Variants in PLXNA1 observed in about 807,000 individuals in gnomAD.
PLXNA1 encodes the protein plexin-A1.
A neutral mutation model predicts 191.7 loss-of-function variants in PLXNA1; 77 were observed. The observed-to-expected ratio is 0.40, with a 90% CI of 0.33 to 0.49. The LOEUF is 0.49. Ranked by LOEUF, PLXNA1 falls within the 20% of genes least tolerant of loss-of-function variation. The pLI, the probability that PLXNA1 is intolerant of heterozygous loss-of-function variation, is 0.63. For missense variants in PLXNA1, 2,110 were observed against 2,660.2 expected (o/e 0.79, Z 4.55); for synonymous variants, 1,137 against 1,156.4 (o/e 0.98, Z 0.34).
intron 3 of PLXNA1, among the ~76,000 whole-genome samples, chr3:126,999,638 C>G (rs2079030335): frequency 6.6e-6 from 1 of 152,224 alleles, no homozygotes; most frequent in Non-Finnish European, 1.5e-5. Context: ...GACAGCTGAC[C>G]TGGCCGGGCC....
At chr3:127,017,273 C>T in intron 17 of PLXNA1, 152 bp from the exon 18 acceptor site, 5 of 1,193,038 alleles carry the variant, frequency 4.2e-6, no homozygotes, top group Non-Finnish European at 4.6e-6. Context: ...TGTCCCTGGT[C>T]CACGTCGGGT....
At chr3:127,027,658 G>A (rs1482452444) in intron 23 of PLXNA1, 2 of 583,652 alleles carry the variant, frequency 3.4e-6, no homozygotes, top group African/African-American at 1.8e-5. Context: ...GGTCCCGCGT[G>A]CCACGCCATG....
intron 29 of PLXNA1, chr3:127,032,107 G>T: frequency 2.3e-6 from 1 of 433,228 alleles, no homozygotes; most frequent in Non-Finnish European, 4.3e-6. Context: ...GGGCCCCTGA[G>T]GGCCTGGTCA....
chr3:127,010,950 G>A (rs2079092571), intron 9 of PLXNA1, among the ~76,000 whole-genome samples: 2 of 152,192 alleles, frequency 1.3e-5, no homozygotes, highest in African/African-American at 2.4e-5. Flanking sequence ...AGCTTGGACT[G>A]AAAGGAGTCT....
chr3:126,999,511 G>A (rs529819322), intron 3 of PLXNA1, among the ~76,000 whole-genome samples: 34 of 152,332 alleles, frequency 2.2e-4, no homozygotes, highest in Admixed American at 1.6e-3. Flanking sequence ...CCTGCCTCCC[G>A]GCGGCTGGGG....
chr3:127,008,540 T>A (rs2079079704), intron 9 of PLXNA1, among the ~76,000 whole-genome samples: 1 of 152,110 alleles, frequency 6.6e-6, no homozygotes, highest in Admixed American at 6.5e-5. Flanking sequence ...GGCCCACAGG[T>A]GCTGAGTGGC....
At chr3:127,030,533 C>A (rs922616798) in intron 29 of PLXNA1, 121 bp downstream of exon 29, 18 of 1,218,060 alleles carry the variant, frequency 1.5e-5, no homozygotes, top group Non-Finnish European at 2.0e-5. Context: ...GGGACACAAC[C>A]CAGCAGGGGC....
chr3:126,991,387 C>G lies in PLXNA1; in HGVS notation c.1198C>G (p.Leu400Val), dbSNP rs770726838. 2 of 1,612,652 alleles carry G rather than the reference C, an allele frequency of 1.2e-6. No individual in the cohort carries two copies. The highest frequency in any genetic ancestry group is 2.2e-5 in the South Asian group (2 of 91,008). ...NKELGCINSP[L>V]QIDDDFCGQD... ...CTCACCCTGCCCCTTCCCACAGCCCCTGCAGATCGATGACGACTTCTGCGG... is the reference window on the plus strand; with the variant it reads ...CTCACCCTGCCCCTTCCCACAGCCCGTGCAGATCGATGACGACTTCTGCGG... Residue 400 changes from leucine (L) to valine (V), a missense_variant, in exon 3 of 32, where the codon CTG (leucine) becomes GTG (valine). Coordinates refer to ENST00000393409, the MANE Select transcript of PLXNA1 (RefSeq NM_032242.4).
At chr3:127,000,502 C>T (rs2079035176) in intron 3 of PLXNA1, among the ~76,000 whole-genome samples, 1 of 152,232 alleles carries the variant, frequency 6.6e-6, no homozygotes, top group African/African-American at 2.4e-5. Context: ...GTCTGTGCCC[C>T]TGTGCTCTGG....
rs771627010 is a variant in PLXNA1 at position 127,014,202 on chromosome 3, G to T, written c.2431G>T (p.Ala811Ser). ...CACAGCGCACCTCTACAAGTGCCCG[G>T]CCCTGCGCGAGAGCTGCGGCCTCTG... ...NIQAHLYKCP[A>S]LRESCGLCLK... The change falls in exon 12 of 32, where the codon GCC becomes TCC. Residue 811 changes from alanine to serine, a missense_variant. Coordinates refer to ENST00000393409, the MANE Select transcript of PLXNA1 (RefSeq NM_032242.4). The T allele has an allele frequency of 2.5e-6, 4 of 1,609,030 alleles. No homozygotes were observed. In the South Asian group the frequency reaches 3.3e-5, roughly 13 times the overall value.
intron 14 of PLXNA1, 150 bp downstream of exon 14, chr3:127,014,981 T>C (rs773920641): frequency 2.8e-5 from 39 of 1,392,120 alleles, no homozygotes; most frequent in Non-Finnish European, 3.4e-5. Context: ...CTCCTGTGCC[T>C]AGGCCAGCTC....
intron 3 of PLXNA1, among the ~76,000 whole-genome samples, chr3:126,995,559 G>C (rs919844287): frequency 6.6e-6 from 1 of 152,278 alleles, no homozygotes; most frequent in Non-Finnish European, 1.5e-5. Context: ...CCAGCCCCTG[G>C]CTGAGGCCCA....
rs1576676219 is a variant in PLXNA1, at chr3:127,004,594, C to T, written c.1519-17C>T. On this transcript the variant is annotated splice_polypyrimidine_tract_variant and intron_variant, in intron 4 of 31. Coordinates refer to ENST00000393409, the MANE Select transcript of PLXNA1 (RefSeq NM_032242.4). ...CTGGGGTGGTACTGGAGGGGCCTGA[C>T]ACCTCCCCCACACCAGGTGACGCGG... The T allele has an allele frequency of 1.9e-6, 3 of 1,548,602 alleles. No homozygotes were observed. In the African/African-American group the frequency reaches 4.1e-5, roughly 21 times the overall value.
chr3:127,024,200 C>T (rs1429243196), intron 23 of PLXNA1, among the ~76,000 whole-genome samples: 1 of 152,190 alleles, frequency 6.6e-6, no homozygotes, highest in Non-Finnish European at 1.5e-5. Flanking sequence ...CCCGATTCTC[C>T]ACACCCACAG....
Position 127,014,199 on chromosome 3 carries a change from C to T in PLXNA1, c.2428C>T (p.Pro810Ser). 6.2e-7 allele frequency: 1 copy of T among 1,609,342 alleles called. No homozygotes were observed. The highest frequency in any genetic ancestry group is 8.5e-7 in the Non-Finnish European group (1 of 1,177,562). The stretch of plus-strand genomic sequence containing the variant: ...CCCCACAGCGCACCTCTACAAGTGC[C>T]CGGCCCTGCGCGAGAGCTGCGGCCT... The part of the protein sequence containing the change: ...QNIQAHLYKC[P>S]ALRESCGLCL... The change falls in exon 12 of 32, where the codon CCG becomes TCG. Residue 810 changes from proline to serine, a missense_variant. Physicochemically the swap from Pro to Ser is moderately conservative, Grantham distance 74. Transcript: ENST00000393409.
intron 3 of PLXNA1, among the ~76,000 whole-genome samples, chr3:126,993,752 T>C (rs1413255333): frequency 6.6e-6 from 1 of 152,168 alleles, no homozygotes; most frequent in Non-Finnish European, 1.5e-5. Context: ...TGAGTTTTGT[T>C]CGGAGGCCCC....
At position 127,007,931 on chromosome 3, in the gene PLXNA1, T is replaced by C; in HGVS notation, c.2112+18T>C. ...TGTCTGAGGTAAGGCCGGGCAAGGGTGAGGGTCAGGTTTTCAGAGGTGGAG... is the reference window on the plus strand; with the variant it reads ...TGTCTGAGGTAAGGCCGGGCAAGGGCGAGGGTCAGGTTTTCAGAGGTGGAG... On this transcript the variant is annotated intron_variant, in intron 9 of 31. Coordinates refer to ENST00000393409, the MANE Select transcript of PLXNA1 (RefSeq NM_032242.4). The C allele has an allele frequency of 6.4e-7, 1 of 1,564,058 alleles. No individual in the cohort carries two copies. The highest frequency in any genetic ancestry group is 8.8e-7 in the Non-Finnish European group (1 of 1,139,088).
rs1275067193 is a variant in PLXNA1 at position 127,022,218 on chromosome 3, C to T, written c.4172C>T (p.Ser1391Leu). 2.5e-6 allele frequency: 4 copies of T among 1,613,428 alleles called. No individual in the cohort carries two copies. The highest frequency in any genetic ancestry group is 2.5e-6 in the Non-Finnish European group (3 of 1,179,984). Residue 1391 changes from serine to leucine, a missense_variant, in exon 22 of 32, where the codon TCG becomes TTG. This residue lies in a region of PLXNA1 where 559 missense variants were observed against 911.5 expected (regional missense o/e 0.61). Transcript: ENST00000393409. ...ATGCGCGACCGCGGGAATGTGGCCT[C>T]GCTCATCATGACGGCCCTGCAGGGC... ...FSMRDRGNVA[S>L]LIMTALQGEM...
chr3:127,011,928 C>T (rs754454313), intron 9 of PLXNA1, 30 bp from the exon 10 acceptor site: 27 of 1,599,802 alleles, frequency 1.7e-5, no homozygotes, highest in South Asian at 6.6e-5. Flanking sequence ...TCTCCGCCCC[C>T]GGGCTCAGCC....
Sources: gnomAD v4.1 joint callset for allele counts (sites outside exome capture counted in the v4.1 genomes callset) on GRCh38, gnomAD v4.1.1 for gene constraint, gnomAD v4.1.1 regional missense constraint, MANE v1.5 for transcripts, NCBI Gene and HGNC (gene_info 2026-07-23, HGNC 2026-07-21) for gene names.